The following AEBP2 variants were observed in gnomAD, a reference collection of about 807,000 sequenced individuals.
The protein encoded by AEBP2 is AE binding protein 2, also known as zinc finger protein AEBP2.
A neutral mutation model predicts 50.8 loss-of-function variants in AEBP2; 10 were observed. That is an observed-to-expected ratio of 0.20 (90% CI 0.12 to 0.33). The LOEUF (loss-of-function observed/expected upper bound fraction) is 0.33, where lower values mean the gene tolerates loss of function less well. AEBP2 is among the 10% of genes least tolerant of loss of function. AEBP2 has a pLI of 1.00. For missense variants in AEBP2, 570 were observed against 688.0 expected, an observed-to-expected ratio of 0.83 and a Z score of 1.92; for synonymous variants, 296 against 261.3, an observed-to-expected ratio of 1.13 and a Z score of -1.28.
At chr12:19,459,501 G>A (rs1948334121) in intron 1 of AEBP2, among the ~76,000 whole-genome samples, 1 of 152,164 alleles carries the variant, frequency 6.6e-6, no homozygotes, top group South Asian at 2.1e-4. Context: ...AAACTGCTGG[G>A]ATTACAGGCG....
intron 1 of AEBP2, among the ~76,000 whole-genome samples, chr12:19,419,564 G>C (rs1351328108): frequency 6.6e-6 from 1 of 151,614 alleles, no homozygotes; most frequent in Non-Finnish European, 1.5e-5. Flanking sequence ...ACTCCAGCCT[G>C]GGCGACAGAG....
chr12:19,494,120 G>T (rs1948935211), intron 4 of AEBP2, 134 bp downstream of exon 4: 1 of 936,656 alleles, frequency 1.1e-6, no homozygotes, highest in African/African-American at 1.7e-5. Context: ...CTGTCTGTCA[G>T]TGAGAGTGAG....
chr12:19,477,774 A>T (rs1948670651), intron 3 of AEBP2, among the ~76,000 whole-genome samples: 1 of 152,094 alleles, frequency 6.6e-6, no homozygotes, highest in Non-Finnish European at 1.5e-5. Flanking sequence ...TGATTTTGGT[A>T]TTAGGGTGAT....
At position 19,521,772 on chromosome 12, in the gene AEBP2, T is replaced by C. The variant is rs1465737628; in HGVS notation, c.*3655T>C. On this transcript the variant is annotated 3_prime_UTR_variant, in exon 8 of 8. Transcript: ENST00000266508. ...TTAAAACGGTAGAATTTGCCACAGT[T>C]GTTTAAAGCATTTTTATTTTTTCTT... The C allele has an allele frequency of 6.6e-6, 1 of 152,130 alleles. No homozygotes were observed. The highest frequency in any genetic ancestry group is 2.4e-5 in the African/African-American group (1 of 41,458). The allele number at this position is 152,130 out of a possible 1,614,324, so 9.4% of individuals were successfully genotyped here.
At chr12:19,409,312 A>G (rs186302488) in intron 1 of AEBP2, among the ~76,000 whole-genome samples, 4 of 152,084 alleles carry the variant, frequency 2.6e-5, no homozygotes, top group South Asian at 2.1e-4. Context: ...TCCTAATTAA[A>G]TAAGGTTGAA....
Position 19,518,395 on chromosome 12 carries a change from G to C in AEBP2, c.*278G>C, listed in dbSNP as rs1285603401. 3 of 1,229,842 alleles carry C rather than the reference G, an allele frequency of 2.4e-6. No homozygotes were observed. Among genetic ancestry groups the C allele is most frequent in the African/African-American group, 3.1e-5 (2 of 64,346 alleles). 76.2% of individuals were successfully genotyped at this position (1,229,842 alleles called of 1,614,324 possible). On this transcript the variant is annotated 3_prime_UTR_variant, in exon 8 of 8. Transcript: ENST00000266508. The stretch of plus-strand genomic sequence containing the variant: ...CAAACACTCTTTTGGCAACTTAGTA[G>C]AACAGCTTCTTAAAGGCTTTGCATG...
At chr12:19,445,962 G>A (rs891519444) in intron 1 of AEBP2, 3 of 152,150 alleles carry the variant, frequency 2.0e-5, no homozygotes, top group Non-Finnish European at 2.9e-5. Flanking sequence ...GAAATGGAAT[G>A]CTTCATGAAT....
In AEBP2 at chr12:19,473,237, T is replaced by C; in HGVS notation, c.880-11T>C. On this transcript the variant is annotated splice_polypyrimidine_tract_variant and intron_variant, in intron 2 of 7. Coordinates refer to ENST00000266508, the MANE Select transcript of AEBP2 (RefSeq NM_153207.5). ...TCATGAAAATTAATATGGTTCTGTT[T>C]TTCTTAACAGGTATTTGTTTGCTTA... 1 of 1,355,746 alleles carries C rather than the reference T, an allele frequency of 7.4e-7. No individual in the cohort carries two copies. The highest frequency in any genetic ancestry group is 1.9e-4 in the Middle Eastern group (1 of 5,172). 84.0% of individuals were successfully genotyped at this position (1,355,746 alleles called of 1,614,324 possible). A position where few individuals can be genotyped will look rare whatever the true frequency, so the allele number is the denominator to read the frequency against.
intron 1 of AEBP2, chr12:19,456,936 G>C: frequency 6.8e-7 from 1 of 1,474,578 alleles, no homozygotes; most frequent in East Asian, 2.3e-5. Context: ...GTAGGATGTA[G>C]TCCAGAGCCT....
Position 19,518,344 on chromosome 12 carries a change from A to G in AEBP2, c.*227A>G. The G allele has an allele frequency of 8.0e-7, 1 of 1,248,978 alleles. No homozygotes were observed. The highest frequency in any genetic ancestry group is 1.0e-6 in the Non-Finnish European group (1 of 997,068). The allele number at this position is 1,248,978 out of a possible 1,614,324, so 77.4% of individuals were successfully genotyped here. On this transcript the variant is annotated 3_prime_UTR_variant, in exon 8 of 8. Transcript: ENST00000266508. ...TATATTACTGTATATCCACATTTTCATGGAATGGTACTGTGGGAGACTGAG... is the reference window on the plus strand; with the variant it reads ...TATATTACTGTATATCCACATTTTCGTGGAATGGTACTGTGGGAGACTGAG...
chr12:19,478,238 T>C (rs993100819), intron 3 of AEBP2, among the ~76,000 whole-genome samples: 2 of 152,250 alleles, frequency 1.3e-5, no homozygotes, highest in African/African-American at 4.8e-5. Context: ...TTGTTTGTTC[T>C]TTCTTGTTTC....
chr12:19,512,620 C>T (rs1255478901), intron 6 of AEBP2, among the ~76,000 whole-genome samples, 155 bp downstream of exon 6: 1 of 151,746 alleles, frequency 6.6e-6, no homozygotes, highest in Non-Finnish European at 1.5e-5. Flanking sequence ...TCTGAAAGGT[C>T]TTACACTATC....
chr12:19,433,541 G>A (rs1207785888), intron 1 of AEBP2, among the ~76,000 whole-genome samples: 2 of 151,424 alleles, frequency 1.3e-5, no homozygotes, highest in East Asian at 2.0e-4. Context: ...GCACTTTGGC[G>A]GGCTGAGGCA....
chr12:19,457,417 A>G (rs545993209), intron 1 of AEBP2: 9 of 1,494,506 alleles, frequency 6.0e-6, no homozygotes, highest in Non-Finnish European at 7.3e-6. Context: ...TCAAATTTCC[A>G]CAAGGAGGTA....
chr12:19,513,999 G>GT (rs914261233), intron 6 of AEBP2, among the ~76,000 whole-genome samples: 1 of 96,650 alleles, frequency 1.0e-5, no homozygotes, highest in African/African-American at 3.9e-5. Context: ...TCTGTTTTTT[G>GT]TTTTTTTGGT....
At chr12:19,431,733 T>C (rs947199560) in intron 1 of AEBP2, among the ~76,000 whole-genome samples, 4 of 152,210 alleles carry the variant, frequency 2.6e-5, no homozygotes, top group African/African-American at 9.7e-5. Context: ...AGATTTCTAG[T>C]TCTTTCCAGC....
chr12:19,443,698 G>C (rs938100751), intron 1 of AEBP2, among the ~76,000 whole-genome samples: 11 of 152,028 alleles, frequency 7.2e-5, no homozygotes, highest in Admixed American at 3.9e-4. Flanking sequence ...ACTCCAGCGT[G>C]GGCGACAGAG....
At chr12:19,469,114 T>C (rs1377354391) in intron 2 of AEBP2, among the ~76,000 whole-genome samples, 2 of 151,684 alleles carry the variant, frequency 1.3e-5, no homozygotes, top group African/African-American at 4.8e-5. Flanking sequence ...TTAGTAGAGG[T>C]GGGGTTTCGC....
intron 1 of AEBP2, among the ~76,000 whole-genome samples, chr12:19,405,765 G>GGATA (rs2095735895): frequency 6.6e-6 from 1 of 152,052 alleles, no homozygotes; most frequent in Admixed American, 6.6e-5. Context: ...CCTCACCAGA[G>GGATA]GATACATTTA....
Sources: gnomAD v4.1 joint callset for allele counts (sites outside exome capture counted in the v4.1 genomes callset) on GRCh38, gnomAD v4.1.1 for gene constraint, MANE v1.5 for transcripts, NCBI Gene and HGNC (gene_info 2026-07-23, HGNC 2026-07-21) for gene names.